SDC2: variants seen among roughly 807,000 people sequenced by gnomAD.
The protein encoded by SDC2 is syndecan 2.
Under a neutral mutation model 22.2 loss-of-function variants are expected in SDC2, and 13 were observed. That is an observed-to-expected ratio of 0.59 (90% CI 0.38 to 0.93). The LOEUF (loss-of-function observed/expected upper bound fraction) is 0.93, where lower values mean the gene tolerates loss of function less well. SDC2 is among the 40% of genes least tolerant of loss of function. The pLI is 0.00. For missense variants in SDC2, 235 were observed against 246.8 expected (o/e 0.95, Z 0.32); for synonymous variants, 94 against 92.8 (o/e 1.01, Z -0.07).
intron 1 of SDC2, among the ~76,000 whole-genome samples, chr8:96,522,457 T>C (rs1483970952): frequency 6.6e-6 from 1 of 152,110 alleles, no homozygotes; most frequent in African/African-American, 2.4e-5. Context: ...ACTAAAGACA[T>C]AGTCTTGGCT....
At chr8:96,533,768 G>T (rs1180895183) in intron 1 of SDC2, among the ~76,000 whole-genome samples, 1 of 152,224 alleles carries the variant, frequency 6.6e-6, no homozygotes, top group Admixed American at 6.5e-5. Context: ...AGACTCAGGA[G>T]CCCAGCTGGC....
intron 1 of SDC2, among the ~76,000 whole-genome samples, chr8:96,525,343 C>T (rs911178580): frequency 2.6e-5 from 4 of 152,182 alleles, no homozygotes; most frequent in African/African-American, 9.7e-5. Flanking sequence ...TTAACAGCTG[C>T]CTCCCACCTG....
intron 2 of SDC2, among the ~76,000 whole-genome samples, chr8:96,594,784 TAC>T (rs1392926951): frequency 6.6e-6 from 1 of 152,182 alleles, no homozygotes; most frequent in African/African-American, 2.4e-5. Context: ...TCAGGAAACT[TAC>T]AGTCATGGCA....
At chr8:96,574,198 C>T (rs190076691) in intron 1 of SDC2, among the ~76,000 whole-genome samples, 27 of 152,186 alleles carry the variant, frequency 1.8e-4, no homozygotes, top group Admixed American at 1.2e-3. Context: ...GGGGGTCTCG[C>T]AAGTCTCTAG....
intron 4 of SDC2, 130 bp downstream of exon 4, chr8:96,608,600 C>A: frequency 1.3e-6 from 1 of 771,942 alleles, no homozygotes; most frequent in Non-Finnish European, 2.0e-6. Flanking sequence ...GTGCTTGATT[C>A]CAGAGCGAGA....
chr8:96,586,790 T>G (rs914434059), intron 1 of SDC2, among the ~76,000 whole-genome samples: 1 of 152,228 alleles, frequency 6.6e-6, no homozygotes, highest in Non-Finnish European at 1.5e-5. Context: ...TACGCATGAG[T>G]AAATCATTTA....
chr8:96,495,232 G>T (rs1454037289), intron 1 of SDC2, among the ~76,000 whole-genome samples: 2 of 152,354 alleles, frequency 1.3e-5, no homozygotes, highest in East Asian at 3.9e-4. Context: ...CTGGCGGGGC[G>T]CTTCTGGGGC....
intron 1 of SDC2, among the ~76,000 whole-genome samples, chr8:96,563,715 G>A (rs191832260): frequency 3.9e-5 from 6 of 152,268 alleles, no homozygotes; most frequent in Non-Finnish European, 7.4e-5. Context: ...AAGAAACATC[G>A]AATTCATTGG....
In SDC2 at chr8:96,600,997, T is replaced by TA. The variant is rs142917787; in HGVS notation, c.173-1397dup. Among the ~76,000 whole-genome samples, 917 of 152,276 alleles carry TA rather than the reference T, an allele frequency of 6.0e-3. 6 individuals are homozygous for TA. The highest frequency in any genetic ancestry group is 0.021 in the African/African-American group (886 of 41,542). On this transcript the variant is annotated intron_variant, in intron 2 of 4. Coordinates refer to ENST00000302190, the MANE Select transcript of SDC2 (RefSeq NM_002998.4). ...AGAGGCCTAGGGACAGACCTTCAGATACTCTTTGATATTTGATGTTGAGGT... is the reference window on the plus strand; with the variant it reads ...AGAGGCCTAGGGACAGACCTTCAGATAACTCTTTGATATTTGATGTTGAGGT...
chr8:96,590,150 A>G (rs1328041781), intron 1 of SDC2, among the ~76,000 whole-genome samples: 1 of 152,146 alleles, frequency 6.6e-6, no homozygotes, highest in African/African-American at 2.4e-5. Flanking sequence ...GCTCTCCTGT[A>G]TTCACATCTT....
chr8:96,575,637 G>C (rs1457190091), intron 1 of SDC2, among the ~76,000 whole-genome samples: 1 of 152,094 alleles, frequency 6.6e-6, no homozygotes, highest in Non-Finnish European at 1.5e-5. Flanking sequence ...GCCAAGTTCT[G>C]AGTTCTGTTC....
intron 1 of SDC2, among the ~76,000 whole-genome samples, chr8:96,555,151 A>G (rs1486608920): frequency 6.6e-6 from 1 of 151,684 alleles, no homozygotes; most frequent in East Asian, 1.9e-4. Flanking sequence ...TTCTGGGAGG[A>G]TGGGATCTTT....
intron 1 of SDC2, among the ~76,000 whole-genome samples, chr8:96,540,357 A>ATATATATATATAT (rs1220674689): frequency 1.2e-5 from 1 of 82,110 alleles, no homozygotes; most frequent in African/African-American, 3.5e-5. Context: ...TATATATATA[A>ATATATATATATAT]AAATTAGTCG....
intron 1 of SDC2, chr8:96,580,577 G>A: frequency 2.1e-6 from 2 of 950,748 alleles, no homozygotes; most frequent in Non-Finnish European, 2.5e-6. Flanking sequence ...AGGTGAGTGT[G>A]CCTGAAGCAG....
intron 2 of SDC2, among the ~76,000 whole-genome samples, chr8:96,596,701 G>A (rs1433569620): frequency 1.3e-5 from 2 of 152,198 alleles, no homozygotes; most frequent in Admixed American, 1.3e-4. Flanking sequence ...ATGGCAGATC[G>A]AACACTACTA....
intron 1 of SDC2, among the ~76,000 whole-genome samples, chr8:96,510,273 G>C (rs749437383): frequency 1.3e-5 from 2 of 152,144 alleles, no homozygotes; most frequent in Non-Finnish European, 2.9e-5. Context: ...TACCGTACCT[G>C]CACTTAAGTT....
chr8:96,568,992 C>CA (rs1270358995), intron 1 of SDC2, among the ~76,000 whole-genome samples: 2 of 152,076 alleles, frequency 1.3e-5, no homozygotes, highest in Admixed American at 6.6e-5. Context: ...GTAGAATGCT[C>CA]ACTGCTTCCT....
At chr8:96,597,575 C>T (rs564377676) in intron 2 of SDC2, among the ~76,000 whole-genome samples, 54 of 152,142 alleles carry the variant, frequency 3.5e-4, no homozygotes, top group Non-Finnish European at 5.6e-4. Flanking sequence ...AGGACAGCCA[C>T]TTACAGGAAG....
intron 1 of SDC2, among the ~76,000 whole-genome samples, chr8:96,538,227 T>C (rs2130504672): frequency 6.6e-6 from 1 of 152,304 alleles, no homozygotes; most frequent in Non-Finnish European, 1.5e-5. Context: ...CCCAAAGTTC[T>C]GGGATTACAG....
Sources: gnomAD v4.1 joint callset for allele counts (sites outside exome capture counted in the v4.1 genomes callset) on GRCh38, gnomAD v4.1.1 for gene constraint, MANE v1.5 for transcripts, NCBI Gene and HGNC (gene_info 2026-07-23, HGNC 2026-07-21) for gene names.